LPP: variants seen among roughly 807,000 people sequenced by gnomAD.
The protein encoded by LPP is lipoma-preferred partner.
A neutral mutation model predicts 60.4 loss-of-function variants in LPP; 38 were observed. The ratio of observed to expected loss-of-function variants is 0.63; its 90% CI spans 0.49 to 0.83. LPP has a LOEUF of 0.83. Ranked by LOEUF, LPP falls within the 40% of genes least tolerant of loss-of-function variation. The pLI, the probability that LPP is intolerant of heterozygous loss-of-function variation, is 0.00. For synonymous variants in LPP, 328 were observed against 290.8 expected (o/e 1.13, Z -1.30); for missense variants, 902 against 783.6 (o/e 1.15, Z -1.80).
At chr3:188,286,438 T>C (rs1743936197) in intron 2 of LPP, among the ~76,000 whole-genome samples, 1 of 152,238 alleles carries the variant, frequency 6.6e-6, no homozygotes, top group Non-Finnish European at 1.5e-5. Context: ...AGAACCCACT[T>C]ACTCTAGGTG....
chr3:188,720,015 C>T (rs1257036622), intron 8 of LPP, among the ~76,000 whole-genome samples: 1 of 152,192 alleles, frequency 6.6e-6, no homozygotes, highest in Non-Finnish European at 1.5e-5. Context: ...CAGGTTCAAG[C>T]TGTGCTCCTG....
At chr3:188,710,854 G>C (rs935543177) in intron 8 of LPP, 7 of 152,116 alleles carry the variant, frequency 4.6e-5, no homozygotes, top group African/African-American at 1.7e-4. Context: ...TTCCCTTCAA[G>C]AACTGTCCAA....
At chr3:188,523,957 C>T (rs1008527749) in intron 5 of LPP, among the ~76,000 whole-genome samples, 1 of 152,056 alleles carries the variant, frequency 6.6e-6, no homozygotes, top group African/African-American at 2.4e-5. Context: ...CCTGGAAACA[C>T]CCTGTGTCGA....
At chr3:188,807,811 T>A (rs979637624) in intron 9 of LPP, among the ~76,000 whole-genome samples, 12 of 152,306 alleles carry the variant, frequency 7.9e-5, no homozygotes, top group African/African-American at 2.9e-4. Context: ...TTATTTTAAA[T>A]TCCCTATCTG....
chr3:188,410,017 A>G (rs996154212), intron 4 of LPP, among the ~76,000 whole-genome samples: 1 of 152,112 alleles, frequency 6.6e-6, no homozygotes, highest in Non-Finnish European at 1.5e-5. Flanking sequence ...CATTGCCTAC[A>G]ATTCTTATGA....
intron 2 of LPP, among the ~76,000 whole-genome samples, chr3:188,322,484 A>G (rs974252646): frequency 1.2e-4 from 18 of 152,184 alleles, no homozygotes; most frequent in African/African-American, 4.3e-4. Flanking sequence ...CCTCAGGAAC[A>G]TGTTTGGTTG....
chr3:188,458,207 G>T (rs1464542115), intron 4 of LPP, among the ~76,000 whole-genome samples: 1 of 152,128 alleles, frequency 6.6e-6, no homozygotes, highest in African/African-American at 2.4e-5. Flanking sequence ...AATTGAAGGA[G>T]AACTTGGATA....
intron 3 of LPP, among the ~76,000 whole-genome samples, chr3:188,388,238 G>C (rs1204076686): frequency 6.6e-6 from 1 of 152,128 alleles, no homozygotes; most frequent in Non-Finnish European, 1.5e-5. Flanking sequence ...AATAAGTTGA[G>C]ACATGCCTTA....
chr3:188,179,596 C>T (rs1404863256), intron 1 of LPP: 1 of 412,816 alleles, frequency 2.4e-6, no homozygotes, highest in African/African-American at 2.1e-5. Context: ...CAGCAGCATT[C>T]CTTCTAGTTT....
chr3:188,394,335 C>T (rs1022089427), intron 3 of LPP, among the ~76,000 whole-genome samples: 2 of 152,172 alleles, frequency 1.3e-5, no homozygotes, highest in Non-Finnish European at 2.9e-5. Context: ...AACTTTCTAG[C>T]AGTCATAACT....
intron 7 of LPP, among the ~76,000 whole-genome samples, chr3:188,667,294 C>G (rs772108473): frequency 7.2e-5 from 11 of 151,886 alleles, no homozygotes; most frequent in Non-Finnish European, 1.3e-4. Flanking sequence ...CTGGCTAACA[C>G]GGTGAAACCT....
intron 2 of LPP, among the ~76,000 whole-genome samples, chr3:188,339,370 T>C (rs2150624555): frequency 6.6e-6 from 1 of 152,334 alleles, no homozygotes; most frequent in South Asian, 2.1e-4. Flanking sequence ...GACTTCAGCT[T>C]TCCTATTGCT....
intron 3 of LPP, among the ~76,000 whole-genome samples, chr3:188,360,021 A>G (rs1768801876): frequency 6.6e-6 from 1 of 152,014 alleles, no homozygotes; most frequent in Non-Finnish European, 1.5e-5. Context: ...CTCACAAGAT[A>G]CCTCTTTTTC....
At chr3:188,750,182 G>C (rs915590959) in intron 8 of LPP, among the ~76,000 whole-genome samples, 1 of 152,184 alleles carries the variant, frequency 6.6e-6, no homozygotes, top group Non-Finnish European at 1.5e-5. Flanking sequence ...ATTCATGACA[G>C]AGAAGCCCGT....
At chr3:188,252,037 T>TATATATATAC (rs1729840730) in intron 2 of LPP, among the ~76,000 whole-genome samples, 1 of 40,590 alleles carries the variant, frequency 2.5e-5, no homozygotes, top group Non-Finnish European at 4.8e-5. Flanking sequence ...TCCTGATATA[T>TATATATATAC]ATATATATAT....
intron 3 of LPP, among the ~76,000 whole-genome samples, chr3:188,396,115 A>G (rs1489038520): frequency 6.6e-6 from 1 of 152,094 alleles, no homozygotes; most frequent in Non-Finnish European, 1.5e-5. Context: ...TGCTATGATT[A>G]CTCTTAGCAG....
intron 6 of LPP, among the ~76,000 whole-genome samples, chr3:188,592,046 A>G (rs1272898205): frequency 6.6e-6 from 1 of 152,216 alleles, no homozygotes; most frequent in Non-Finnish European, 1.5e-5. Flanking sequence ...TCTTTTTAAC[A>G]GAAACAAACT....
intron 7 of LPP, among the ~76,000 whole-genome samples, chr3:188,694,175 C>G (rs1862707501): frequency 6.6e-6 from 1 of 152,178 alleles, no homozygotes; most frequent in Non-Finnish European, 1.5e-5. Context: ...AAGAACCCGG[C>G]AGAAAATTTT....
Position 188,498,457 on chromosome 3 carries a change from C to T in LPP, c.306+13753C>T, listed in dbSNP as rs545835280. On this transcript the variant is annotated intron_variant, in intron 5 of 11. Transcript: ENST00000617246. ...ATTGTAATCAGATTGTATTTGTCTT[C>T]GCAACTGGCTTATTTTACTTAACAT... 5.9e-5 allele frequency among the ~76,000 whole-genome samples: 9 copies of T among 152,222 alleles called. No individual in the cohort carries two copies. The East Asian group carries it at 9.7e-4, about 16-fold the overall frequency.
Sources: gnomAD v4.1 joint callset for allele counts (sites outside exome capture counted in the v4.1 genomes callset) on GRCh38, gnomAD v4.1.1 for gene constraint, MANE v1.5 for transcripts, NCBI Gene and HGNC (gene_info 2026-07-23, HGNC 2026-07-21) for gene names.